ITPKB: variants seen among roughly 807,000 people sequenced by gnomAD.
The protein encoded by ITPKB is IP3 3-kinase B.
Under a neutral mutation model 69.4 loss-of-function variants are expected in ITPKB, and 13 were observed. The ratio of observed to expected loss-of-function variants is 0.19; its 90% CI spans 0.12 to 0.30. The LOEUF (loss-of-function observed/expected upper bound fraction) is 0.30, where lower values mean the gene tolerates loss of function less well. Ranked by LOEUF, ITPKB falls within the 10% of genes least tolerant of loss-of-function variation. The pLI is 1.00. For missense variants in ITPKB, 1,240 were observed against 1,250.5 expected (o/e 0.99, Z 0.13); for synonymous variants, 584 against 513.7 (o/e 1.14, Z -1.85).
At chr1:226,679,737 C>T (rs982105891) in intron 2 of ITPKB, among the ~76,000 whole-genome samples, 2 of 152,184 alleles carry the variant, frequency 1.3e-5, no homozygotes, top group African/African-American at 4.8e-5. Context: ...ATTTTCATTT[C>T]TTTATAGTTT....
At chr1:226,653,873 C>T (rs1669239182) in intron 2 of ITPKB, among the ~76,000 whole-genome samples, 1 of 152,194 alleles carries the variant, frequency 6.6e-6, no homozygotes, top group African/African-American at 2.4e-5. Flanking sequence ...GTTACAAGAG[C>T]ACTGGTCTGA....
intron 2 of ITPKB, among the ~76,000 whole-genome samples, chr1:226,682,514 T>A (rs1656115832): frequency 6.6e-6 from 1 of 152,224 alleles, no homozygotes; most frequent in African/African-American, 2.4e-5. Context: ...ATTCTGAGCC[T>A]TAGTTTCCTC....
chr1:226,726,504 T>C (rs955103502), intron 2 of ITPKB, among the ~76,000 whole-genome samples: 4 of 151,986 alleles, frequency 2.6e-5, no homozygotes, highest in African/African-American at 9.7e-5. Context: ...TAGCAAGAGA[T>C]GTCTCTACTA....
chr1:226,639,494 A>C, intron 6 of ITPKB, 63 bp downstream of exon 6: 1 of 1,109,842 alleles, frequency 9.0e-7, no homozygotes, highest in Non-Finnish European at 1.4e-6. Context: ...GCACCTCCAG[A>C]GTAGACACAG....
At chr1:226,674,218 T>C (rs1285686984) in intron 2 of ITPKB, among the ~76,000 whole-genome samples, 1 of 152,148 alleles carries the variant, frequency 6.6e-6, no homozygotes, top group Non-Finnish European at 1.5e-5. Context: ...ACATTTTTTT[T>C]TGAGACAGAG....
chr1:226,692,125 A>G (rs1656372394), intron 2 of ITPKB, among the ~76,000 whole-genome samples: 1 of 152,238 alleles, frequency 6.6e-6, no homozygotes, highest in Non-Finnish European at 1.5e-5. Flanking sequence ...AGTTTTATAC[A>G]TGAGGAAATG....
intron 2 of ITPKB, among the ~76,000 whole-genome samples, chr1:226,721,502 C>T (rs974623228): frequency 2.0e-5 from 3 of 149,334 alleles, no homozygotes; most frequent in Non-Finnish European, 4.5e-5. Flanking sequence ...GAACTATTTT[C>T]TTTTTTTTTT....
At chr1:226,683,235 T>C (rs1656127472) in intron 2 of ITPKB, among the ~76,000 whole-genome samples, 1 of 152,210 alleles carries the variant, frequency 6.6e-6, no homozygotes, top group Non-Finnish European at 1.5e-5. Context: ...CCTTCGTGCT[T>C]TGAGCAGCCC....
At chr1:226,654,891 G>A (rs1180969461) in intron 2 of ITPKB, among the ~76,000 whole-genome samples, 1 of 152,136 alleles carries the variant, frequency 6.6e-6, no homozygotes, top group East Asian at 1.9e-4. Flanking sequence ...GCTGGGGACA[G>A]GGGAAGAGGA....
At chr1:226,727,809 G>A (rs1382686173) in intron 2 of ITPKB, among the ~76,000 whole-genome samples, 5 of 152,180 alleles carry the variant, frequency 3.3e-5, no homozygotes, top group South Asian at 2.1e-4. Flanking sequence ...GCCAAGGGCC[G>A]GCCGTTACCC....
At chr1:226,688,610 C>T (rs1025631381) in intron 2 of ITPKB, among the ~76,000 whole-genome samples, 1 of 152,238 alleles carries the variant, frequency 6.6e-6, no homozygotes, top group Admixed American at 6.5e-5. Context: ...TACTCAGGGG[C>T]TGCCCAGACC....
chr1:226,635,755 T>TA (rs1668824408), intron 7 of ITPKB, among the ~76,000 whole-genome samples: 1 of 152,200 alleles, frequency 6.6e-6, no homozygotes, highest in Admixed American at 6.5e-5. Context: ...GCAGACCCTA[T>TA]AGGGCCTTCC....
At chr1:226,666,740 C>T (rs1302326209) in intron 2 of ITPKB, among the ~76,000 whole-genome samples, 1 of 152,242 alleles carries the variant, frequency 6.6e-6, no homozygotes, top group Non-Finnish European at 1.5e-5. Context: ...CTGCAACCCA[C>T]TCTCCACTCA....
intron 2 of ITPKB, among the ~76,000 whole-genome samples, chr1:226,701,734 G>C (rs1656647306): frequency 6.6e-6 from 1 of 152,088 alleles, no homozygotes; most frequent in African/African-American, 2.4e-5. Context: ...AGGAGGGGTG[G>C]GACAGTCTTC....
chr1:226,634,328 T>C lies in ITPKB; in HGVS notation c.*343A>G, dbSNP rs1487424334. ...GCAGCAGGCCTCCGCAGGTGGTAGG[T>C]CCAGGCTGGTGCTTCCTAGGGGGCT... On this transcript the variant is annotated 3_prime_UTR_variant, in exon 8 of 8. Transcript: ENST00000429204. The surrounding 1 kb of genome is among the most constrained non-coding windows in gnomAD (Gnocchi z 6.3). The C allele has an allele frequency of 1.5e-5, 4 of 272,514 alleles. No individual in the cohort carries two copies. The East Asian group carries it at 3.3e-4, about 23-fold the overall frequency. 16.9% of individuals were successfully genotyped at this position (272,514 alleles called of 1,614,324 possible). A position where few individuals can be genotyped will look rare whatever the true frequency, so the allele number is the denominator to read the frequency against.
At position 226,736,579 on chromosome 1, in the gene ITPKB, C is replaced by A. The variant is rs140811669; in HGVS notation, c.880G>T (p.Gly294Trp). The change falls in exon 2 of 8, where the codon GGG becomes TGG. Residue 294 changes from glycine (G) to tryptophan (W), a missense_variant. Gly to Trp is a radical substitution (Grantham distance 184, BLOSUM62 -2). This residue lies in a region of ITPKB where 992 missense variants were observed against 853.8 expected (regional missense o/e 1.16). Transcript: ENST00000429204. Reference protein sequence around the residue: ...GTRSCLAPSLGLFGASLTMAT... With the variant: ...GTRSCLAPSLWLFGASLTMAT... ...ATCGTTAAGCTAGCTCCGAACAGCC[C>A]CAATGAGGGAGCTAGGCAGCTCCGA... 1.7e-4 allele frequency: 280 copies of A among 1,613,920 alleles called. 1 individual carries two copies. Among genetic ancestry groups the A allele is most frequent in the Middle Eastern group, 8.2e-4 (5 of 6,062 alleles).
chr1:226,638,012 C>T (rs1053438156), intron 6 of ITPKB, among the ~76,000 whole-genome samples: 1 of 152,356 alleles, frequency 6.6e-6, no homozygotes, highest in Middle Eastern at 3.4e-3. Flanking sequence ...CCCTATAAAC[C>T]CATGTCAAGC....
At chr1:226,704,396 C>T (rs532239714) in intron 2 of ITPKB, among the ~76,000 whole-genome samples, 1 of 152,128 alleles carries the variant, frequency 6.6e-6, no homozygotes. Context: ...GGTTATCATA[C>T]CTGGTCAACA....
chr1:226,688,392 C>T (rs764500191), intron 2 of ITPKB, among the ~76,000 whole-genome samples: 53 of 152,078 alleles, frequency 3.5e-4, no homozygotes, highest in Non-Finnish European at 7.1e-4. Context: ...CGCCCCCCAT[C>T]AGGATTGTCT....
Sources: gnomAD v4.1 joint callset for allele counts (sites outside exome capture counted in the v4.1 genomes callset) on GRCh38, gnomAD v4.1.1 for gene constraint, gnomAD v4.1.1 regional missense constraint, Gnocchi (gnomAD v3.1) non-coding constraint, MANE v1.5 for transcripts, NCBI Gene and HGNC (gene_info 2026-07-23, HGNC 2026-07-21) for gene names.